Variants in CTNNA2 observed in about 807,000 individuals in gnomAD.
CTNNA2 encodes the protein catenin alpha-2.
CTNNA2 carries 42 observed loss-of-function variants against 101.0 expected under a neutral mutation model. The observed-to-expected ratio is 0.42, with a 90% confidence interval of 0.32 to 0.54. CTNNA2 has a LOEUF of 0.54. CTNNA2 is among the 20% of genes least tolerant of loss of function. The pLI is 0.14. For synonymous variants in CTNNA2, 450 were observed against 456.4 expected (o/e 0.99, Z 0.18); for missense variants, 871 against 1,223.1 (o/e 0.71, Z 4.29).
intron 9 of CTNNA2, among the ~76,000 whole-genome samples, chr2:80,532,077 G>T (rs1690591831): frequency 6.6e-6 from 1 of 152,172 alleles, no homozygotes; most frequent in Admixed American, 6.5e-5. Flanking sequence ...CAGGTGGTCA[G>T]AGGAAGAAAA....
chr2:80,138,555 C>A (rs1429089061), intron 7 of CTNNA2, among the ~76,000 whole-genome samples: 1 of 152,090 alleles, frequency 6.6e-6, no homozygotes. Context: ...GAACAGGTAT[C>A]ATGTGCTTTT....
In CTNNA2 at chr2:80,287,626, C is replaced by T. The variant is rs191534172; in HGVS notation, c.1057-105585C>T. ...TTTTGCATATATTAATACTAAACCT[C>T]CCAACACCTTGAAAGTCGAATTTTT... On this transcript the variant is annotated intron_variant, in intron 7 of 18. Coordinates refer to ENST00000402739, the MANE Select transcript of CTNNA2 (RefSeq NM_001282597.3). 3.9e-5 allele frequency among the ~76,000 whole-genome samples: 6 copies of T among 152,312 alleles called. No individual in the cohort carries two copies. In the East Asian group the frequency reaches 1.2e-3, roughly 29 times the overall value.
At chr2:80,581,571 C>G in intron 13 of CTNNA2, 135 bp from the exon 14 acceptor site, 2 of 602,488 alleles carry the variant, frequency 3.3e-6, no homozygotes, top group South Asian at 4.2e-5. Flanking sequence ...TACTCACCCA[C>G]ATAGCTGTGT....
chr2:79,437,255 A>C (rs1289055252), intron 4 of CTNNA2, among the ~76,000 whole-genome samples: 2 of 151,874 alleles, frequency 1.3e-5, no homozygotes, highest in African/African-American at 4.8e-5. Context: ...AATTAGAGAT[A>C]TATATATGTA....
chr2:80,117,571 G>A (rs1701597554), intron 7 of CTNNA2, among the ~76,000 whole-genome samples: 1 of 151,806 alleles, frequency 6.6e-6, no homozygotes, highest in African/African-American at 2.4e-5. Context: ...CTTTTGATGT[G>A]GGTGGATTTC....
chr2:79,218,578 G>A (rs971228987), intron 2 of CTNNA2, among the ~76,000 whole-genome samples: 17 of 152,092 alleles, frequency 1.1e-4, no homozygotes, highest in African/African-American at 3.9e-4. Context: ...GGACAGTTTT[G>A]ACAATATAAG....
chr2:79,928,675 A>G (rs1191438621), intron 7 of CTNNA2, among the ~76,000 whole-genome samples: 2 of 152,166 alleles, frequency 1.3e-5, no homozygotes, highest in Non-Finnish European at 2.9e-5. Context: ...TTCATTTTGC[A>G]TGGGTGATAC....
intron 7 of CTNNA2, among the ~76,000 whole-genome samples, chr2:79,933,789 T>C (rs1288075319): frequency 6.6e-6 from 1 of 152,234 alleles, no homozygotes; most frequent in Admixed American, 6.5e-5. Flanking sequence ...TCTAACCACC[T>C]GTATGCTTTT....
intron 7 of CTNNA2, among the ~76,000 whole-genome samples, chr2:80,008,172 C>T (rs1693509628): frequency 6.6e-6 from 1 of 152,160 alleles, no homozygotes; most frequent in Admixed American, 6.5e-5. Flanking sequence ...TTTTGACATA[C>T]TGTGTGGTCT....
At chr2:79,959,386 C>T (rs1251190575) in intron 7 of CTNNA2, among the ~76,000 whole-genome samples, 1 of 152,132 alleles carries the variant, frequency 6.6e-6, no homozygotes, top group Non-Finnish European at 1.5e-5. Context: ...AAATTAAAAT[C>T]CCAATTTCAT....
At chr2:80,180,973 A>G (rs1705740345) in intron 7 of CTNNA2, among the ~76,000 whole-genome samples, 1 of 152,158 alleles carries the variant, frequency 6.6e-6, no homozygotes, top group Non-Finnish European at 1.5e-5. Context: ...GCCTGATCCA[A>G]CTTTATGTTC....
chr2:79,196,377 A>G (rs1437109686), intron 1 of CTNNA2, among the ~76,000 whole-genome samples: 4 of 152,204 alleles, frequency 2.6e-5, no homozygotes, highest in African/African-American at 9.6e-5. Flanking sequence ...CCATTGAAAA[A>G]AATCAATTTT....
At chr2:79,238,443 T>C (rs1674584505) in intron 2 of CTNNA2, among the ~76,000 whole-genome samples, 2 of 152,128 alleles carry the variant, frequency 1.3e-5, no homozygotes, top group Non-Finnish European at 2.9e-5. Context: ...ATAATATGAA[T>C]TACCAAAATG....
intron 7 of CTNNA2, among the ~76,000 whole-genome samples, chr2:80,202,699 A>G (rs946121963): frequency 2.0e-5 from 3 of 152,020 alleles, no homozygotes; most frequent in African/African-American, 4.8e-5. Context: ...GCCATAAACT[A>G]TGGAGCAAAG....
intron 2 of CTNNA2, among the ~76,000 whole-genome samples, chr2:79,739,045 C>G (rs550461176): frequency 6.6e-6 from 1 of 151,548 alleles, no homozygotes; most frequent in Non-Finnish European, 1.5e-5. Flanking sequence ...GCTATTACTA[C>G]CAGTTTTTGT....
chr2:79,254,003 A>T (rs571173989), intron 2 of CTNNA2, among the ~76,000 whole-genome samples: 1 of 152,262 alleles, frequency 6.6e-6, no homozygotes, highest in Admixed American at 6.5e-5. Flanking sequence ...TCAAAGAGGA[A>T]CTTTCTAATA....
chr2:80,184,254 CTT>C (rs1705971844), intron 7 of CTNNA2, among the ~76,000 whole-genome samples: 1 of 151,984 alleles, frequency 6.6e-6, no homozygotes, highest in South Asian at 2.1e-4. Context: ...GGAAATCAAT[CTT>C]ATTAATTTTA....
chr2:79,559,110 T>A (rs1674617179), intron 1 of CTNNA2, among the ~76,000 whole-genome samples: 1 of 151,900 alleles, frequency 6.6e-6, no homozygotes, highest in African/African-American at 2.4e-5. Flanking sequence ...TTGAACTTTA[T>A]AGATAGTGGA....
intron 1 of CTNNA2, among the ~76,000 whole-genome samples, chr2:79,641,285 A>T (rs529332829): frequency 3.0e-4 from 46 of 152,308 alleles, no homozygotes; most frequent in Middle Eastern, 6.8e-3. Context: ...AGTTTGCTAT[A>T]ATCTAAATAT....
Sources: allele counts gnomAD v4.1 joint callset (sites outside exome capture counted in the v4.1 genomes callset), GRCh38; gene constraint gnomAD v4.1.1; transcripts MANE v1.5; gene names NCBI Gene and HGNC (gene_info 2026-07-23, HGNC 2026-07-21).